Variants in OPA3 observed in about 807,000 individuals in gnomAD.
The protein encoded by OPA3 is outer mitochondrial membrane lipid metabolism regulator OPA3, also known as optic atrophy 3 protein.
In OPA3, 6 loss-of-function variants were observed where a neutral mutation model predicts 4.0. The observed-to-expected ratio is 1.51, with a 90% confidence interval of 0.83 to 2.99. The LOEUF is 2.99. OPA3 is among the 30% of genes most tolerant of loss of function. OPA3 has a pLI of 0.00. For synonymous variants in OPA3, 105 were observed against 117.1 expected (o/e 0.90, Z 0.67); for missense variants, 235 against 256.2 (o/e 0.92, Z 0.56).
chr19:45,560,456 G>A (rs1969486539), intron 1 of OPA3, among the ~76,000 whole-genome samples: 1 of 152,170 alleles, frequency 6.6e-6, no homozygotes, highest in African/African-American at 2.4e-5. Flanking sequence ...GTGCCCAGGA[G>A]GTGACCATGG....
rs1023199374 is a variant in OPA3 at position 45,551,115 on chromosome 19, C to T, written c.*2399G>A. 2.7e-5 allele frequency: 5 copies of T among 183,548 alleles called. No homozygotes were observed. Among genetic ancestry groups the T allele is most frequent in the South Asian group, 3.7e-4 (2 of 5,456 alleles). The allele number at this position is 183,548 out of a possible 1,614,324, so 11.4% of individuals were successfully genotyped here. On this transcript the variant is annotated 3_prime_UTR_variant, in exon 2 of 2. Transcript: ENST00000263275. Reference sequence around the variant, plus strand: ...AGCTGGGACTACAGGCATGCATCACCGCACCTGGCTAATTTTTTATTTTAC... The same window carrying T: ...AGCTGGGACTACAGGCATGCATCACTGCACCTGGCTAATTTTTTATTTTAC...
chr19:45,529,099 T>C (rs1969028063), exon 2 of OPA3: 61 of 1,601,082 alleles, frequency 3.8e-5, no homozygotes, highest in Non-Finnish European at 5.2e-5. Context: ...AGGCGGCGGG[T>C]CTCGGAGGCA....
chr19:45,575,563 C>T (rs529883333), intron 1 of OPA3, among the ~76,000 whole-genome samples: 2 of 152,122 alleles, frequency 1.3e-5, no homozygotes, highest in South Asian at 4.2e-4. Flanking sequence ...TTTCCCACGG[C>T]CACTATAACA....
intron 1 of OPA3, among the ~76,000 whole-genome samples, chr19:45,568,441 C>T (rs989008984): frequency 1.3e-5 from 2 of 152,102 alleles, no homozygotes; most frequent in Non-Finnish European, 2.9e-5. Context: ...CCGCCCACCT[C>T]GGCCTCCCAA....
chr19:45,580,607 T>TTTAG (rs1392063511), intron 1 of OPA3, among the ~76,000 whole-genome samples: 1 of 147,256 alleles, frequency 6.8e-6, no homozygotes, highest in Non-Finnish European at 1.5e-5. Context: ...AGCCTATTTA[T>TTTAG]TTATTTATTT....
chr19:45,540,347 A>G (rs1398816695), intron 1 of OPA3, among the ~76,000 whole-genome samples: 2 of 151,572 alleles, frequency 1.3e-5, no homozygotes, highest in Non-Finnish European at 2.9e-5. Context: ...AATAAAAAAT[A>G]AAATAAAACA....
intron 1 of OPA3, among the ~76,000 whole-genome samples, chr19:45,570,756 G>C (rs543069571): frequency 4.0e-5 from 6 of 151,346 alleles, no homozygotes; most frequent in Admixed American, 2.0e-4. Flanking sequence ...CCAGCTGCTC[G>C]GGAGGCTGAG....
intron 1 of OPA3, among the ~76,000 whole-genome samples, chr19:45,574,972 A>G (rs547522346): frequency 6.6e-6 from 1 of 152,230 alleles, no homozygotes; most frequent in East Asian, 1.9e-4. Flanking sequence ...CCAGTTCCAG[A>G]TGACTCCAGC....
chr19:45,551,041 G>T lies in OPA3; in HGVS notation c.*2473C>A. Reference sequence around the variant, plus strand: ...AGTGGCGCGATCACGGCTCGCTGCAGCCTCGACCTCCAGGGCTCAGGTGAT... The same window carrying T: ...AGTGGCGCGATCACGGCTCGCTGCATCCTCGACCTCCAGGGCTCAGGTGAT... On this transcript the variant is annotated 3_prime_UTR_variant, in exon 2 of 2. Coordinates refer to ENST00000263275, the MANE Select transcript of OPA3 (RefSeq NM_025136.4). 2.6e-6 allele frequency: 2 copies of T among 776,826 alleles called. No homozygotes were observed. The highest frequency in any genetic ancestry group is 1.9e-5 in the African/African-American group (1 of 53,240). 48.1% of individuals were successfully genotyped at this position (776,826 alleles called of 1,614,324 possible).
At chr19:45,545,282 C>A (rs1394005343), downstream of OPA3, among the ~76,000 whole-genome samples, 1 of 151,770 alleles carries the variant, frequency 6.6e-6, no homozygotes, top group East Asian at 1.9e-4. Flanking sequence ...GTAATCCTAG[C>A]ACTTTGGGAG....
rs756044697 is a variant in OPA3 at position 45,584,653 on chromosome 19, T to C, written c.112A>G (p.Lys38Glu). ...GCCGGCGGGAGGCAGATATAGGTCT[T>C]GAAGAACTCGCTTCGGCGGGCGGCC... ...KEAARRSEFF[K>E]TYICLPPAQL... is the part of the protein sequence containing the mutation. The change falls in exon 1 of 2, where the codon AAG becomes GAG. Residue 38 changes from lysine to glutamate, a missense_variant. Coordinates refer to ENST00000263275, the MANE Select transcript of OPA3 (RefSeq NM_025136.4). 2 of 1,614,192 alleles carry C rather than the reference T, an allele frequency of 1.2e-6. No homozygotes were observed. The highest frequency in any genetic ancestry group is 1.7e-6 in the Non-Finnish European group (2 of 1,180,022).
At chr19:45,539,241 G>A (rs968548689) in intron 1 of OPA3, among the ~76,000 whole-genome samples, 5 of 152,236 alleles carry the variant, frequency 3.3e-5, no homozygotes, top group African/African-American at 1.2e-4. Context: ...ACTCTCGCAT[G>A]TCACTGGCGG....
In OPA3 at chr19:45,553,687, G is replaced by T. The variant is rs1022155897; in HGVS notation, c.367C>A (p.Arg123=). 6.2e-7 allele frequency: 1 copy of T among 1,605,690 alleles called. No homozygotes were observed. Among genetic ancestry groups the T allele is most frequent in the Non-Finnish European group, 8.5e-7 (1 of 1,178,628 alleles). ...EEQRAAWNAL[R]DEVGHLALAL... ...AGCGCCAGGTGGCCCACCTCGTCCC[G>T]CAGCGCGTTCCAGGCAGCACGCTGC... Residue 123 remains arginine (R), a synonymous_variant, in exon 2 of 2, where the codon CGG becomes AGG. Transcript: ENST00000263275.
exon 2 of OPA3, chr19:45,528,767 T>A (rs1969022711): frequency 2.5e-6 from 1 of 394,728 alleles, no homozygotes; most frequent in South Asian, 6.4e-5. Flanking sequence ...AAAGACGCTG[T>A]CTTTCCAAAG....
At chr19:45,534,316 C>T (rs1969091622) in intron 1 of OPA3, among the ~76,000 whole-genome samples, 1 of 152,084 alleles carries the variant, frequency 6.6e-6, no homozygotes, top group Non-Finnish European at 1.5e-5. Context: ...AATCCCAGCA[C>T]TTTGGGAGGC....
At chr19:45,559,928 T>C (rs1969479744) in intron 1 of OPA3, among the ~76,000 whole-genome samples, 1 of 152,126 alleles carries the variant, frequency 6.6e-6, no homozygotes. Flanking sequence ...ACTTTCTGGA[T>C]TCGCAAGCTG....
At chr19:45,571,895 T>G (rs973868909) in intron 1 of OPA3, among the ~76,000 whole-genome samples, 4 of 152,140 alleles carry the variant, frequency 2.6e-5, no homozygotes, top group African/African-American at 9.7e-5. Context: ...AGCTGTCCTT[T>G]CTAGAAGTTT....
chr19:45,573,228 A>G (rs2122497695), intron 1 of OPA3, among the ~76,000 whole-genome samples: 1 of 152,182 alleles, frequency 6.6e-6, no homozygotes, highest in South Asian at 2.1e-4. Flanking sequence ...CCCCCAGGCC[A>G]AGTGATACGG....
exon 2 of OPA3, chr19:45,527,512 G>C (rs1475980140): frequency 1.3e-5 from 2 of 150,756 alleles, no homozygotes; most frequent in African/African-American, 4.9e-5. Flanking sequence ...GGGCTCAAGG[G>C]ATCCTCCTGC....
Sources: gnomAD v4.1 joint callset for allele counts (sites outside exome capture counted in the v4.1 genomes callset) on GRCh38, gnomAD v4.1.1 for gene constraint, MANE v1.5 for transcripts, NCBI Gene and HGNC (gene_info 2026-07-23, HGNC 2026-07-21) for gene names.